Variants in IQGAP2 observed in about 807,000 individuals in gnomAD.
IQGAP2 encodes IQ motif containing GTPase activating protein 2.
In IQGAP2, 173 loss-of-function variants were observed where a neutral mutation model predicts 201.3. That is an observed-to-expected ratio of 0.86 (90% CI 0.76 to 0.98). The LOEUF (loss-of-function observed/expected upper bound fraction) is 0.98. Among genes scored for constraint, IQGAP2 ranks in the 50% least tolerant of loss-of-function variants. The probability of loss-of-function intolerance (pLI) is 0.00; values close to 1 mark genes in which losing one functional copy is unlikely to be tolerated. For synonymous variants in IQGAP2, 675 were observed against 673.9 expected, an observed-to-expected ratio of 1.00 and a Z score of -0.03; for missense variants, 1,687 against 1,864.8, an observed-to-expected ratio of 0.90 and a Z score of 1.76.
chr5:76,662,713 T>G (rs1397450681), intron 21 of IQGAP2, among the ~76,000 whole-genome samples: 1 of 152,224 alleles, frequency 6.6e-6, no homozygotes, highest in Non-Finnish European at 1.5e-5. Context: ...AGATAAGGAT[T>G]ATCAGACAGC....
At chr5:76,486,066 A>T (rs897677522) in intron 2 of IQGAP2, among the ~76,000 whole-genome samples, 1 of 152,142 alleles carries the variant, frequency 6.6e-6, no homozygotes, top group Non-Finnish European at 1.5e-5. Flanking sequence ...GATAGTTGCT[A>T]TGGTAACTTT....
chr5:76,658,407 A>G, intron 20 of IQGAP2, 52 bp from the exon 21 acceptor site: 1 of 1,387,526 alleles, frequency 7.2e-7, no homozygotes. Context: ...TTTCCTGTTG[A>G]TAATCATTCC....
chr5:76,418,756 C>T (rs913363153), intron 1 of IQGAP2, among the ~76,000 whole-genome samples: 6 of 152,248 alleles, frequency 3.9e-5, no homozygotes, highest in African/African-American at 1.4e-4. Flanking sequence ...AATTCTGTCT[C>T]CTAATCTGAT....
chr5:76,429,856 C>T (rs1752261802), intron 1 of IQGAP2, among the ~76,000 whole-genome samples: 1 of 77,264 alleles, frequency 1.3e-5, no homozygotes, highest in South Asian at 5.4e-4. Flanking sequence ...GAAAAGGAGA[C>T]ACAGACACAC....
chr5:76,403,665 C>T lies in IQGAP2; in HGVS notation c.46+74C>T. 7.8e-7 allele frequency: 1 copy of T among 1,277,052 alleles called. No individual in the cohort carries two copies. Among genetic ancestry groups the T allele is most frequent in the Non-Finnish European group, 1.0e-6 (1 of 963,024 alleles). 79.1% of individuals were successfully genotyped at this position (1,277,052 alleles called of 1,614,324 possible). ...TCCCCGAGGACGGCGTTGGAGAAGC[C>T]GAGGGAGCCGGTTGCGCGGCGCAGA... On this transcript the variant is annotated intron_variant, in intron 1 of 35. Coordinates refer to ENST00000274364, the MANE Select transcript of IQGAP2 (RefSeq NM_006633.5). This position sits in a 1 kb window ranked among gnomAD's most constrained non-coding sequence, Gnocchi z 4.8.
At chr5:76,696,915 G>A (rs1002447644) in intron 32 of IQGAP2, among the ~76,000 whole-genome samples, 16 of 152,182 alleles carry the variant, frequency 1.1e-4, no homozygotes, top group Non-Finnish European at 2.1e-4. Flanking sequence ...TTTTACCTAA[G>A]GGCATGGGGA....
chr5:76,475,982 A>G (rs904003530), intron 2 of IQGAP2, among the ~76,000 whole-genome samples: 1 of 152,160 alleles, frequency 6.6e-6, no homozygotes, highest in Admixed American at 6.5e-5. Flanking sequence ...AGGATGGGAA[A>G]GATGGAGTGG....
intron 1 of IQGAP2, among the ~76,000 whole-genome samples, 188 bp from the exon 2 acceptor site, chr5:76,461,373 AAAAAAAAAT>A (rs1561389215): frequency 1.3e-5 from 2 of 151,466 alleles, no homozygotes; most frequent in African/African-American, 4.9e-5. Context: ...GTCTCAAAAA[AAAAAAAAAT>A]AAAAATAAAG....
intron 5 of IQGAP2, among the ~76,000 whole-genome samples, chr5:76,583,078 T>G (rs961278590): frequency 2.0e-5 from 3 of 152,224 alleles, no homozygotes; most frequent in Admixed American, 2.0e-4. Flanking sequence ...TTTGGAATGC[T>G]CTCAGCCCTT....
intron 1 of IQGAP2, among the ~76,000 whole-genome samples, chr5:76,444,837 A>C (rs1753279275): frequency 6.6e-6 from 1 of 152,154 alleles, no homozygotes; most frequent in Non-Finnish European, 1.5e-5. Flanking sequence ...GGGTTTTTTC[A>C]TAGACTATCG....
intron 13 of IQGAP2, chr5:76,615,755 A>G (rs1748896109): frequency 1.2e-5 from 1 of 83,600 alleles, no homozygotes; most frequent in Non-Finnish European, 3.1e-5. Flanking sequence ...ACAGGAATAT[A>G]ATGGGTATTA....
intron 2 of IQGAP2, among the ~76,000 whole-genome samples, chr5:76,488,852 G>A (rs1014060991): frequency 1.9e-4 from 29 of 152,300 alleles, no homozygotes; most frequent in African/African-American, 7.0e-4. Flanking sequence ...GCGGGCTTGG[G>A]AAGGACAGAT....
At chr5:76,428,790 T>TAA (rs11370155) in intron 1 of IQGAP2, among the ~76,000 whole-genome samples, 4,777 of 144,088 alleles carry the variant, frequency 0.033, 182 homozygotes, top group East Asian at 0.12. Context: ...CCAACTTACT[T>TAA]AAAAAAAAAA....
intron 28 of IQGAP2, among the ~76,000 whole-genome samples, chr5:76,681,808 G>A (rs1243640002): frequency 6.6e-6 from 1 of 152,154 alleles, no homozygotes; most frequent in Non-Finnish European, 1.5e-5. Flanking sequence ...CATGTTCATA[G>A]CAGCATTGTT....
At chr5:76,419,054 GA>G (rs1561357055) in intron 1 of IQGAP2, among the ~76,000 whole-genome samples, 1 of 152,308 alleles carries the variant, frequency 6.6e-6, no homozygotes, top group South Asian at 2.1e-4. Context: ...GCTTTACCAA[GA>G]AAATGTGTGT....
At chr5:76,423,868 A>G (rs745629845) in intron 1 of IQGAP2, among the ~76,000 whole-genome samples, 14 of 152,246 alleles carry the variant, frequency 9.2e-5, no homozygotes, top group Admixed American at 2.6e-4. Context: ...CTTAAAGTGT[A>G]TTCAGCACAT....
At chr5:76,610,874 G>A (rs1342550374) in intron 12 of IQGAP2, 146 bp from the exon 13 acceptor site, 1 of 526,282 alleles carries the variant, frequency 1.9e-6, no homozygotes, top group Non-Finnish European at 3.3e-6. Context: ...CTTATTATGA[G>A]CGTATAGACA....
intron 5 of IQGAP2, among the ~76,000 whole-genome samples, chr5:76,578,545 C>T (rs976625706): frequency 7.9e-5 from 12 of 152,172 alleles, no homozygotes; most frequent in Non-Finnish European, 1.0e-4. Context: ...ATCTCTTGAC[C>T]TCGTGATCTG....
intron 1 of IQGAP2, among the ~76,000 whole-genome samples, chr5:76,420,105 A>G (rs561700718): frequency 1.3e-5 from 2 of 152,288 alleles, no homozygotes; most frequent in Admixed American, 1.3e-4. Flanking sequence ...TGTTTCCTCC[A>G]GGTGCATCAC....
Sources: gnomAD v4.1 joint callset for allele counts (sites outside exome capture counted in the v4.1 genomes callset) on GRCh38, gnomAD v4.1.1 for gene constraint, Gnocchi (gnomAD v3.1) non-coding constraint, MANE v1.5 for transcripts, NCBI Gene and HGNC (gene_info 2026-07-23, HGNC 2026-07-21) for gene names.